NTRK3: variants seen among roughly 807,000 people sequenced by gnomAD.
NTRK3 encodes the protein neurotrophic receptor tyrosine kinase 3.
NTRK3 carries 24 observed loss-of-function variants against 91.7 expected under a neutral mutation model. That is an observed-to-expected ratio of 0.26 (90% CI 0.19 to 0.37). The LOEUF is 0.37. NTRK3 is among the 10% of genes least tolerant of loss of function. NTRK3 has a pLI of 1.00. For missense variants in NTRK3, 880 were observed against 1,068.9 expected (o/e 0.82, Z 2.46); for synonymous variants, 483 against 404.0 (o/e 1.20, Z -2.34).
At chr15:87,887,960 T>C (rs1345846363) in intron 17 of NTRK3, among the ~76,000 whole-genome samples, 3 of 152,072 alleles carry the variant, frequency 2.0e-5, no homozygotes, top group Non-Finnish European at 4.4e-5. Flanking sequence ...AATGAGATAA[T>C]TAAGGATTTT....
intron 10 of NTRK3, among the ~76,000 whole-genome samples, chr15:88,133,967 A>G (rs1027510994): frequency 1.3e-5 from 2 of 152,356 alleles, no homozygotes; most frequent in African/African-American, 2.4e-5. Context: ...ACTGACATAA[A>G]TAAAGCTTCC....
chr15:87,957,052 G>A (rs535337633), intron 14 of NTRK3, among the ~76,000 whole-genome samples: 11 of 152,230 alleles, frequency 7.2e-5, no homozygotes, highest in South Asian at 4.1e-4. Flanking sequence ...CCCACTCAAC[G>A]TGACCCATGG....
chr15:87,916,420 A>T (rs2067449251), intron 17 of NTRK3: 1 of 679,774 alleles, frequency 1.5e-6, no homozygotes. Context: ...TCAACACCAG[A>T]TTCAATGGTC....
chr15:87,924,253 T>C (rs946315064), intron 17 of NTRK3, among the ~76,000 whole-genome samples: 2 of 152,064 alleles, frequency 1.3e-5, no homozygotes, highest in African/African-American at 4.8e-5. Context: ...TCCAAGAGCT[T>C]ACAACTTTTC....
chr15:88,152,209 G>A (rs970194232), intron 5 of NTRK3, among the ~76,000 whole-genome samples: 1 of 152,148 alleles, frequency 6.6e-6, no homozygotes, highest in African/African-American at 2.4e-5. Flanking sequence ...ACTGAGACAG[G>A]AGAATCGCTT....
At chr15:88,141,983 CCTT>C (rs1402514385) in intron 6 of NTRK3, among the ~76,000 whole-genome samples, 2 of 152,216 alleles carry the variant, frequency 1.3e-5, no homozygotes, top group Non-Finnish European at 2.9e-5. Flanking sequence ...TTCCCCCCAT[CCTT>C]CTGGACTTTC....
At chr15:87,989,411 C>A (rs920975882) in intron 14 of NTRK3, among the ~76,000 whole-genome samples, 4 of 152,126 alleles carry the variant, frequency 2.6e-5, no homozygotes, top group African/African-American at 9.7e-5. Flanking sequence ...GGACAAAAAA[C>A]CAAACACCAC....
intron 15 of NTRK3, 102 bp from the exon 16 acceptor site, chr15:87,933,286 A>G (rs1026275084): frequency 2.0e-5 from 22 of 1,080,276 alleles, no homozygotes; most frequent in Middle Eastern, 2.2e-4. Context: ...TGGGTTACCA[A>G]TAAATATGAA....
chr15:88,112,671 C>T (rs897117262), intron 13 of NTRK3, among the ~76,000 whole-genome samples: 5 of 152,198 alleles, frequency 3.3e-5, no homozygotes, highest in Non-Finnish European at 5.9e-5. Flanking sequence ...ACAAAAAAGT[C>T]TCCTGTCAGG....
exon 7 of NTRK3, chr15:88,137,448 T>A (rs2041985037): frequency 1.9e-6 from 3 of 1,614,180 alleles, no homozygotes; most frequent in Non-Finnish European, 2.5e-6. Flanking sequence ...CTGGGAGCCA[T>A]CAGCGTTGAT....
At chr15:88,039,324 C>A (rs535589692) in intron 13 of NTRK3, among the ~76,000 whole-genome samples, 65 of 152,180 alleles carry the variant, frequency 4.3e-4, no homozygotes, top group Non-Finnish European at 7.8e-4. Flanking sequence ...TGGAGAGAGA[C>A]CCTCAAGGGA....
intron 13 of NTRK3, among the ~76,000 whole-genome samples, chr15:88,122,236 G>A (rs1486006027): frequency 6.6e-6 from 1 of 152,216 alleles, no homozygotes; most frequent in East Asian, 1.9e-4. Flanking sequence ...GCATATATGT[G>A]TACATATACA....
intron 17 of NTRK3, among the ~76,000 whole-genome samples, chr15:87,888,208 A>G (rs1045779092): frequency 6.6e-6 from 1 of 152,144 alleles, no homozygotes; most frequent in East Asian, 1.9e-4. Context: ...GCTCACGGGG[A>G]ATGAGCACTA....
At chr15:87,897,173 G>A (rs892602862) in intron 17 of NTRK3, among the ~76,000 whole-genome samples, 4 of 152,110 alleles carry the variant, frequency 2.6e-5, no homozygotes, top group Non-Finnish European at 4.4e-5. Flanking sequence ...GAGCCTAGAG[G>A]ATAAATAGGC....
At chr15:88,154,838 A>G (rs866859628) in intron 5 of NTRK3, among the ~76,000 whole-genome samples, 6 of 152,352 alleles carry the variant, frequency 3.9e-5, no homozygotes, top group Middle Eastern at 3.4e-3. Context: ...AGAACTTCTC[A>G]GAGCTTTTAC....
chr15:88,019,049 A>C (rs1368037507), intron 14 of NTRK3, among the ~76,000 whole-genome samples: 1 of 152,128 alleles, frequency 6.6e-6, no homozygotes, highest in Non-Finnish European at 1.5e-5. Flanking sequence ...ATCCAGCTAA[A>C]ACCACAAGCA....
At chr15:87,940,216 T>TAATC (rs1596327799) in intron 15 of NTRK3, among the ~76,000 whole-genome samples, 1 of 152,036 alleles carries the variant, frequency 6.6e-6, no homozygotes, top group Non-Finnish European at 1.5e-5. Flanking sequence ...CAGTCCTCCT[T>TAATC]AATCAGCCTG....
chr15:88,212,799 G>A (rs1331028549), intron 3 of NTRK3, among the ~76,000 whole-genome samples: 1 of 151,606 alleles, frequency 6.6e-6, no homozygotes, highest in African/African-American at 2.4e-5. Context: ...CCCACTCTGT[G>A]GCTGCCATTG....
intron 17 of NTRK3, among the ~76,000 whole-genome samples, chr15:87,892,083 A>AACACACACACACACACACAC (rs58946187): frequency 2.8e-5 from 4 of 141,344 alleles, no homozygotes; most frequent in African/African-American, 8.3e-5. Context: ...CCCCATCCCC[A>AACACACACACACACACACAC]ACACACACAC....
Sources: allele counts gnomAD v4.1 joint callset (sites outside exome capture counted in the v4.1 genomes callset), GRCh38; gene constraint gnomAD v4.1.1; transcripts MANE v1.5; gene names NCBI Gene and HGNC (gene_info 2026-07-23, HGNC 2026-07-21).